The following CNGB1 variants were observed in gnomAD, a reference collection of about 807,000 sequenced individuals.
CNGB1 encodes cyclic nucleotide gated channel subunit beta 1, also known as cyclic nucleotide-gated channel beta-1.
CNGB1 carries 126 observed loss-of-function variants against 151.7 expected under a neutral mutation model. The ratio of observed to expected loss-of-function variants is 0.83; its 90% CI spans 0.72 to 0.96. CNGB1 has a LOEUF of 0.96. Among genes scored for constraint, CNGB1 ranks in the 40% least tolerant of loss-of-function variants. CNGB1 has a pLI of 0.00. For missense variants in CNGB1, 1,698 were observed against 1,627.0 expected (o/e 1.04, Z -0.75); for synonymous variants, 623 against 635.1 (o/e 0.98, Z 0.29).
At chr16:57,899,897 C>T (rs1424347206) in intron 29 of CNGB1, among the ~76,000 whole-genome samples, 1 of 152,216 alleles carries the variant, frequency 6.6e-6, no homozygotes, top group African/African-American at 2.4e-5. Flanking sequence ...CAAAACCAGA[C>T]AGCAGAGGGC....
intron 21 of CNGB1, 119 bp downstream of exon 21, chr16:57,917,149 T>C: frequency 2.3e-6 from 2 of 863,922 alleles, no homozygotes; most frequent in Admixed American, 2.0e-5. Context: ...GCAGCCGTTC[T>C]TGAGATTTCC....
At chr16:57,933,231 C>T (rs912689377) in intron 16 of CNGB1, among the ~76,000 whole-genome samples, 1 of 152,178 alleles carries the variant, frequency 6.6e-6, no homozygotes, top group Non-Finnish European at 1.5e-5. Context: ...CCCGGCTGGC[C>T]TCACATTCTT....
intron 20 of CNGB1, 97 bp from the exon 21 acceptor site, chr16:57,917,573 T>A: frequency 8.9e-7 from 1 of 1,124,912 alleles, no homozygotes; most frequent in Non-Finnish European, 1.4e-6. Flanking sequence ...CTCCTTCAAC[T>A]ACTACATGTG....
chr16:57,943,606 G>T (rs1961726425), intron 14 of CNGB1, among the ~76,000 whole-genome samples: 1 of 152,136 alleles, frequency 6.6e-6, no homozygotes, highest in Non-Finnish European at 1.5e-5. Context: ...GGAGGCGGAG[G>T]TTGCAGTGAA....
intron 14 of CNGB1, among the ~76,000 whole-genome samples, chr16:57,946,988 T>C (rs1961826084): frequency 1.3e-5 from 2 of 152,254 alleles, no homozygotes; most frequent in African/African-American, 4.8e-5. Flanking sequence ...TATGTACATG[T>C]GTGCCTGTGT....
chr16:57,911,991 G>A (rs1182606560), intron 24 of CNGB1, 116 bp from the exon 25 acceptor site: 5 of 1,395,308 alleles, frequency 3.6e-6, no homozygotes, highest in Admixed American at 3.7e-5. Flanking sequence ...GCTTTGTTGA[G>A]ATTGCACCAG....
chr16:57,946,891 G>A (rs1374559186), intron 14 of CNGB1, among the ~76,000 whole-genome samples: 1 of 152,252 alleles, frequency 6.6e-6, no homozygotes, highest in Admixed American at 6.5e-5. Context: ...GTAAACATTT[G>A]TATGAAGATG....
intron 17 of CNGB1, among the ~76,000 whole-genome samples, chr16:57,924,576 C>G (rs1961134412): frequency 6.6e-6 from 1 of 152,170 alleles, no homozygotes; most frequent in African/African-American, 2.4e-5. Context: ...GCATGTCACA[C>G]ATGAAAGCAC....
intron 14 of CNGB1, among the ~76,000 whole-genome samples, chr16:57,944,378 G>A (rs1381141257): frequency 6.6e-6 from 1 of 152,182 alleles, no homozygotes; most frequent in Non-Finnish European, 1.5e-5. Flanking sequence ...CAGGGGCTGG[G>A]GAGGGGTGAG....
chr16:57,928,521 C>T (rs1263069522), intron 17 of CNGB1, among the ~76,000 whole-genome samples: 5 of 152,212 alleles, frequency 3.3e-5, no homozygotes, highest in African/African-American at 1.2e-4. Flanking sequence ...CATTCAAGAC[C>T]ATGGGCCTAA....
chr16:57,920,905 C>A (rs1377356122), intron 18 of CNGB1, among the ~76,000 whole-genome samples: 1 of 152,194 alleles, frequency 6.6e-6, no homozygotes, highest in East Asian at 1.9e-4. Flanking sequence ...GCAGGGTTCA[C>A]ATGAGATATG....
intron 7 of CNGB1, 118 bp downstream of exon 7, chr16:57,962,447 G>A (rs1254620388): frequency 2.6e-5 from 23 of 881,312 alleles, no homozygotes; most frequent in Admixed American, 1.2e-4. Flanking sequence ...CAGAAGAGAC[G>A]GGAGGCATGT....
At chr16:57,918,038 CATGGATGGATGG>C (rs71155216) in intron 20 of CNGB1, among the ~76,000 whole-genome samples, 1,743 of 149,846 alleles carry the variant, frequency 0.012, 12 homozygotes, top group Non-Finnish European at 0.017. Context: ...CAGGTGAATG[CATGGATGGATGG>C]ATGGATGGAT....
intron 32 of CNGB1, among the ~76,000 whole-genome samples, chr16:57,887,641 C>T (rs1297689928): frequency 6.6e-6 from 1 of 152,170 alleles, no homozygotes; most frequent in Admixed American, 6.6e-5. Context: ...CCAGGCTTGC[C>T]TGAACTTTTC....
chr16:57,956,184 C>T (rs1014197744), intron 12 of CNGB1, among the ~76,000 whole-genome samples: 2 of 152,166 alleles, frequency 1.3e-5, no homozygotes, highest in African/African-American at 4.8e-5. Context: ...TTTTTAGTTC[C>T]TTTAAGCTGT....
intron 17 of CNGB1, among the ~76,000 whole-genome samples, chr16:57,926,050 C>G (rs931656638): frequency 3.3e-5 from 5 of 152,196 alleles, no homozygotes; most frequent in African/African-American, 1.2e-4. Context: ...AATCCACAGG[C>G]AGGGAGCTTC....
chr16:57,939,333 G>A lies in CNGB1; in HGVS notation c.1372+97C>T. On this transcript the variant is annotated intron_variant, in intron 16 of 32. Transcript: ENST00000251102. The stretch of plus-strand genomic sequence containing the variant: ...GGCAATGGGGGGAAGGAGATGGAGG[G>A]AGAGGAGGAGGGGTTGCCCCTGCAC... The A allele has an allele frequency of 1.9e-6, 3 of 1,542,776 alleles. No homozygotes were observed. In the South Asian group the frequency reaches 3.3e-5, roughly 17 times the overall value.
At chr16:57,948,561 A>G (rs1221125470) in intron 14 of CNGB1, among the ~76,000 whole-genome samples, 1 of 148,156 alleles carries the variant, frequency 6.7e-6, no homozygotes, top group Non-Finnish European at 1.5e-5. Context: ...CATCTCCCCA[A>G]CCTCTGGTCT....
At chr16:57,900,614 G>T (rs1257958752) in intron 29 of CNGB1, among the ~76,000 whole-genome samples, 1 of 152,026 alleles carries the variant, frequency 6.6e-6, no homozygotes, top group African/African-American at 2.4e-5. Context: ...GGATCAGAGG[G>T]TGAAGCTGAG....
Sources: allele counts gnomAD v4.1 joint callset (sites outside exome capture counted in the v4.1 genomes callset), GRCh38; gene constraint gnomAD v4.1.1; transcripts MANE v1.5; gene names NCBI Gene and HGNC (gene_info 2026-07-23, HGNC 2026-07-21).